CHN1: variants seen among roughly 807,000 people sequenced by gnomAD.
CHN1 encodes chimerin 1, also known as N-chimaerin.
In CHN1, 37 loss-of-function variants were observed where a neutral mutation model predicts 59.5. That is an observed-to-expected ratio of 0.62 (90% CI 0.48 to 0.82). The LOEUF (loss-of-function observed/expected upper bound fraction) is 0.82. CHN1 is among the 40% of genes least tolerant of loss of function. CHN1 has a pLI of 0.00. For synonymous variants in CHN1, 206 were observed against 200.4 expected (o/e 1.03, Z -0.24); for missense variants, 469 against 571.0 (o/e 0.82, Z 1.82).
intron 5 of CHN1, among the ~76,000 whole-genome samples, chr2:174,880,319 C>T (rs1438429039): frequency 6.6e-6 from 1 of 152,168 alleles, no homozygotes; most frequent in African/African-American, 2.4e-5. Flanking sequence ...TTATATTTTA[C>T]TAAGAGAACT....
chr2:174,990,262 T>A (rs2077875), intron 1 of CHN1, among the ~76,000 whole-genome samples: 22,336 of 88,880 alleles, frequency 0.25, 3,004 homozygotes, highest in South Asian at 0.38. Flanking sequence ...TGTGTGTGTG[T>A]GAGAGAGAGA....
At chr2:174,955,406 T>C (rs1246669716) in intron 1 of CHN1, among the ~76,000 whole-genome samples, 1 of 151,932 alleles carries the variant, frequency 6.6e-6, no homozygotes, top group Non-Finnish European at 1.5e-5. Flanking sequence ...AAACGTCATA[T>C]GTTCTCACTT....
intron 3 of CHN1, among the ~76,000 whole-genome samples, chr2:174,925,591 T>G (rs1689144080): frequency 6.6e-6 from 1 of 152,236 alleles, no homozygotes. Flanking sequence ...CAAAGGCTGC[T>G]ACCCAGAGGC....
chr2:174,883,090 C>G (rs1406040684), intron 5 of CHN1, among the ~76,000 whole-genome samples: 1 of 152,160 alleles, frequency 6.6e-6, no homozygotes, highest in African/African-American at 2.4e-5. Flanking sequence ...TCCAATTTGC[C>G]TAACTAAACT....
chr2:174,872,081 A>G (rs1235574155), intron 6 of CHN1, among the ~76,000 whole-genome samples: 1 of 152,170 alleles, frequency 6.6e-6, no homozygotes, highest in Non-Finnish European at 1.5e-5. Context: ...CAAGAGTTTG[A>G]GACCAGCTTG....
intron 6 of CHN1, among the ~76,000 whole-genome samples, chr2:174,866,909 T>C (rs1383158929): frequency 6.6e-6 from 1 of 152,120 alleles, no homozygotes; most frequent in Non-Finnish European, 1.5e-5. Flanking sequence ...AATTTATAAA[T>C]TTAAATTTTT....
chr2:174,850,311 C>A (rs922797455), intron 6 of CHN1, among the ~76,000 whole-genome samples: 18 of 152,102 alleles, frequency 1.2e-4, no homozygotes, highest in Admixed American at 1.0e-3. Context: ...AAAAAAGGTT[C>A]AATATATATT....
intron 3 of CHN1, 90 bp downstream of exon 3, chr2:174,944,798 C>G: frequency 1.2e-6 from 1 of 840,530 alleles, no homozygotes; most frequent in South Asian, 1.7e-5. Context: ...AGTGGTTAAT[C>G]TCACAAACAA....
rs1685110865 is a variant in CHN1 at position 174,812,499 on chromosome 2, G to GA, written c.713-18dup. The GA allele has an allele frequency of 6.2e-7, 1 of 1,611,028 alleles. No individual in the cohort carries two copies. Among genetic ancestry groups the GA allele is most frequent in the Non-Finnish European group, 8.5e-7 (1 of 1,179,000 alleles). On this transcript the variant is annotated splice_polypyrimidine_tract_variant and intron_variant, in intron 8 of 12. Coordinates refer to ENST00000409900, the MANE Select transcript of CHN1 (RefSeq NM_001822.7). The stretch of plus-strand genomic sequence containing the variant: ...AACCACAATCTAAGAAAAGAATAAA[G>GA]AAAGGAAACATTCAATATTATTTTC...
intron 7 of CHN1, among the ~76,000 whole-genome samples, chr2:174,833,505 C>G (rs866850432): frequency 1.3e-5 from 2 of 151,988 alleles, no homozygotes; most frequent in African/African-American, 4.8e-5. Flanking sequence ...CTTTTTCTTT[C>G]ACTTCTCTCT....
intron 3 of CHN1, among the ~76,000 whole-genome samples, chr2:174,924,535 G>C (rs1432390416): frequency 3.9e-5 from 6 of 152,080 alleles, no homozygotes; most frequent in Admixed American, 6.6e-5. Context: ...TGTCAGTATA[G>C]TCCAAAAATC....
chr2:174,876,937 C>A (rs1019977458), intron 6 of CHN1, among the ~76,000 whole-genome samples: 1 of 152,182 alleles, frequency 6.6e-6, no homozygotes, highest in Non-Finnish European at 1.5e-5. Flanking sequence ...TTACAACTTG[C>A]ACACAAATCT....
intron 7 of CHN1, 26 bp from the exon 8 acceptor site, chr2:174,824,544 T>C: frequency 6.6e-7 from 1 of 1,508,134 alleles, no homozygotes. Context: ...AGGGGCAAAG[T>C]CAGGAAAGGG....
At chr2:174,890,523 T>G (rs1431092871) in intron 5 of CHN1, among the ~76,000 whole-genome samples, 1 of 151,956 alleles carries the variant, frequency 6.6e-6, no homozygotes, top group African/African-American at 2.4e-5. Context: ...CAAGACCATC[T>G]TTAAAAAGAA....
At chr2:174,955,261 A>G (rs1574209069) in intron 1 of CHN1, among the ~76,000 whole-genome samples, 1 of 150,430 alleles carries the variant, frequency 6.6e-6, no homozygotes, top group African/African-American at 2.4e-5. Flanking sequence ...ATAGACATAT[A>G]TATATACACA....
At position 174,877,893 on chromosome 2, in the gene CHN1, C is replaced by T; in HGVS notation, c.496G>A (p.Glu166Lys). The change falls in exon 6 of 13, where the codon GAG becomes AAG. Residue 166 changes from glutamate to lysine, a missense_variant. Physicochemically the swap from Glu to Lys is moderately conservative, Grantham distance 56. Coordinates refer to ENST00000409900, the MANE Select transcript of CHN1 (RefSeq NM_001822.7). ...GTAGAATCTCTCTCATCATGTGTCT[C>T]TTTCAGGACTGGCATATGTTTTTTG... ...AYKKHMPVLK[E>K]THDERDSTGQ... 6.2e-7 allele frequency: 1 copy of T among 1,613,844 alleles called. No individual in the cohort carries two copies. Among genetic ancestry groups the T allele is most frequent in the Non-Finnish European group, 8.5e-7 (1 of 1,179,788 alleles).
intron 3 of CHN1, among the ~76,000 whole-genome samples, chr2:174,944,624 A>G (rs1220100031): frequency 6.6e-6 from 1 of 152,216 alleles, no homozygotes; most frequent in Admixed American, 6.5e-5. Context: ...TGAAAACACA[A>G]TGTATGAATT....
intron 5 of CHN1, among the ~76,000 whole-genome samples, chr2:174,897,098 G>A (rs1434971634): frequency 6.6e-6 from 1 of 152,058 alleles, no homozygotes; most frequent in Non-Finnish European, 1.5e-5. Flanking sequence ...GTGTGTTCTG[G>A]CAAAATTTGG....
chr2:174,896,862 C>A (rs1200677082), intron 5 of CHN1, among the ~76,000 whole-genome samples: 1 of 152,090 alleles, frequency 6.6e-6, no homozygotes, highest in Non-Finnish European at 1.5e-5. Flanking sequence ...TAATGAATAT[C>A]ACCACCATAT....
Sources: gnomAD v4.1 joint callset for allele counts (sites outside exome capture counted in the v4.1 genomes callset) on GRCh38, gnomAD v4.1.1 for gene constraint, MANE v1.5 for transcripts, NCBI Gene and HGNC (gene_info 2026-07-23, HGNC 2026-07-21) for gene names.